The following SLC6A13 variants were observed in gnomAD, a reference collection of about 807,000 sequenced individuals.
SLC6A13 encodes sodium- and chloride-dependent GABA transporter 2.
SLC6A13 carries 69 observed loss-of-function variants against 72.9 expected under a neutral mutation model. The ratio of observed to expected loss-of-function variants is 0.95; its 90% CI spans 0.78 to 1.16. The LOEUF (loss-of-function observed/expected upper bound fraction) is 1.16. SLC6A13 is among the 50% of genes most tolerant of loss of function. The probability of loss-of-function intolerance (pLI) is 0.00; values close to 1 mark genes in which losing one functional copy is unlikely to be tolerated. For missense variants in SLC6A13, 735 were observed against 760.5 expected (o/e 0.97, Z 0.39); for synonymous variants, 303 against 303.0 (o/e 1.00, Z 0.00).
In SLC6A13 at chr12:254,443, T is replaced by G. The variant is rs539608346; in HGVS notation, c.202+5408A>C. Among the ~76,000 whole-genome samples the G allele has an allele frequency of 2.0e-5, 3 of 152,328 alleles. No homozygotes were observed. The highest frequency in any genetic ancestry group is 1.3e-4 in the Admixed American group (2 of 15,302). ...CAGCCCTCCACTGTAACCGCTCTTA[T>G]CATCAATGACTTCCCAGCTGCTAAA... On this transcript the variant is annotated intron_variant, in intron 2 of 14. Coordinates refer to ENST00000343164, the MANE Select transcript of SLC6A13 (RefSeq NM_016615.5). The surrounding 1 kb of genome is among the most constrained non-coding windows in gnomAD (Gnocchi z 4.4).
At chr12:260,516 G>A (rs1426240573) in intron 1 of SLC6A13, among the ~76,000 whole-genome samples, 1 of 152,200 alleles carries the variant, frequency 6.6e-6, no homozygotes, top group Non-Finnish European at 1.5e-5. Flanking sequence ...TTTATGCTAA[G>A]GAAATAATTG....
Position 243,791 on chromosome 12 carries a change from G to T in SLC6A13, c.225C>A (p.Leu75=). ...GAATGCCACAGGTAAAGAGGAAGAC[G>T]AGGTAGGGGATGAAGAAGGCACCTG... ...NGGGAFFIPY[L]VFLFTCGIPV... The change falls in exon 3 of 15, where the codon CTC becomes CTA. Residue 75 remains leucine, a synonymous_variant. Coordinates refer to ENST00000343164, the MANE Select transcript of SLC6A13 (RefSeq NM_016615.5). The T allele has an allele frequency of 3.7e-6, 6 of 1,614,152 alleles. No individual in the cohort carries two copies. The highest frequency in any genetic ancestry group is 5.1e-6 in the Non-Finnish European group (6 of 1,179,996).
chr12:236,460 C>T (rs1377637377), intron 6 of SLC6A13, among the ~76,000 whole-genome samples: 8 of 152,216 alleles, frequency 5.3e-5, no homozygotes, highest in Admixed American at 2.6e-4. Flanking sequence ...GCGGGTTCCC[C>T]GGATATAGTT....
chr12:242,859 G>A (rs1942217140), intron 3 of SLC6A13, 105 bp from the exon 4 acceptor site: 1 of 1,018,066 alleles, frequency 9.8e-7, no homozygotes, highest in East Asian at 2.8e-5. Flanking sequence ...GTCTGAGGCT[G>A]GGAGTTCAAT....
intron 6 of SLC6A13, among the ~76,000 whole-genome samples, chr12:235,572 C>T (rs759136091): frequency 1.3e-5 from 2 of 152,084 alleles, no homozygotes; most frequent in African/African-American, 4.8e-5. Context: ...TCAAGACCAC[C>T]GTGATAATTG....
Position 222,556 on chromosome 12 carries a change from G to C in SLC6A13, c.1491C>G (p.Leu497=). 1 of 1,608,906 alleles carries C rather than the reference G, an allele frequency of 6.2e-7. No homozygotes were observed. The highest frequency in any genetic ancestry group is 1.1e-5 in the South Asian group (1 of 90,090). The stretch of plus-strand genomic sequence containing the variant: ...CTGTGCACACAGCTGGTGTGAGGAA[G>C]AGCCAACAGTATTTGATAAGAGGCC... ...RPWPLIKYCW[L]FLTPAVCTAT... The change falls in exon 13 of 15, where the codon CTC becomes CTG. Residue 497 remains leucine (L), a synonymous_variant. Coordinates refer to ENST00000343164, the MANE Select transcript of SLC6A13 (RefSeq NM_016615.5).
At chr12:242,872 A>C in intron 3 of SLC6A13, 118 bp from the exon 4 acceptor site, 1 of 789,212 alleles carries the variant, frequency 1.3e-6, no homozygotes, top group Non-Finnish European at 1.9e-6. Context: ...AGTTCAATTT[A>C]CCATTGAGGG....
chr12:221,795 G>A (rs1363004521), intron 13 of SLC6A13, among the ~76,000 whole-genome samples: 2 of 152,240 alleles, frequency 1.3e-5, no homozygotes, highest in Non-Finnish European at 2.9e-5. Flanking sequence ...CTCCCAGGTA[G>A]GATGTGATCA....
chr12:224,496 T>C lies in SLC6A13; in HGVS notation c.1078A>G (p.Ile360Val), dbSNP rs778954945. ...VAESGPGLAF[I>V]AYPRAVVMLP... The stretch of plus-strand genomic sequence containing the variant: ...ATCACCACAGCCCGCGGGTAAGCGA[T>C]GAAAGCCAGGCCAGGGCCTACGACA... Residue 360 changes from isoleucine (I) to valine (V), a missense_variant, in exon 10 of 15, where the codon ATC becomes GTC. Coordinates refer to ENST00000343164, the MANE Select transcript of SLC6A13 (RefSeq NM_016615.5). 3.1e-6 allele frequency: 5 copies of C among 1,614,012 alleles called. No homozygotes were observed. The highest frequency in any genetic ancestry group is 4.2e-6 in the Non-Finnish European group (5 of 1,180,000).
intron 8 of SLC6A13, 141 bp from the exon 9 acceptor site, chr12:226,655 G>T: frequency 1.8e-6 from 2 of 1,081,838 alleles, no homozygotes; most frequent in African/African-American, 1.6e-5. Context: ...AGGGCTACCT[G>T]GCAGAATTCA....
chr12:238,780 G>A (rs569891980), intron 4 of SLC6A13, among the ~76,000 whole-genome samples: 20 of 152,118 alleles, frequency 1.3e-4, no homozygotes, highest in Middle Eastern at 3.2e-3. Flanking sequence ...TCAGCAAATT[G>A]TCTGGGTTCC....
chr12:238,665 T>A (rs1942034031), intron 4 of SLC6A13, among the ~76,000 whole-genome samples: 1 of 152,214 alleles, frequency 6.6e-6, no homozygotes, highest in Admixed American at 6.5e-5. Context: ...CTGGGAAATA[T>A]TAAGACAGAT....
intron 2 of SLC6A13, among the ~76,000 whole-genome samples, chr12:250,829 CCCCCAA>C (rs1479117477): frequency 1.7e-4 from 1 of 6,014 alleles, no homozygotes; most frequent in Non-Finnish European, 1.1e-3. Flanking sequence ...CCAAAATAGC[CCCCCAA>C]AAAAAAAAAA....
At chr12:233,995 T>C (rs1565495071) in intron 7 of SLC6A13, among the ~76,000 whole-genome samples, 2 of 152,054 alleles carry the variant, frequency 1.3e-5, no homozygotes, top group African/African-American at 4.8e-5. Flanking sequence ...CCTCACAAGA[T>C]ACCAGTCATA....
chr12:223,018 G>T lies in SLC6A13; in HGVS notation c.1414+114C>A, dbSNP rs937357981. ...TTGCAAGATTTTGGAGGTTGGGTAG[G>T]GAGGCGCCCCAGGAAAAGTTAAGTG... On this transcript the variant is annotated intron_variant, in intron 12 of 14. Coordinates refer to ENST00000343164, the MANE Select transcript of SLC6A13 (RefSeq NM_016615.5). 3 of 663,810 alleles carry T rather than the reference G, an allele frequency of 4.5e-6. No individual in the cohort carries two copies. The Admixed American group carries it at 8.6e-5, about 19-fold the overall frequency. The allele number at this position is 663,810 out of a possible 1,614,324, so 41.1% of individuals were successfully genotyped here. A position where few individuals can be genotyped will look rare whatever the true frequency, so the allele number is the denominator to read the frequency against.
intron 2 of SLC6A13, among the ~76,000 whole-genome samples, chr12:251,218 T>G (rs998026279): frequency 4.0e-5 from 6 of 151,034 alleles, no homozygotes; most frequent in African/African-American, 1.5e-4. Flanking sequence ...TTCCACCTGG[T>G]ATTTATATTA....
At chr12:227,473 T>C in intron 8 of SLC6A13, 92 bp downstream of exon 8, 1 of 1,574,670 alleles carries the variant, frequency 6.4e-7, no homozygotes, top group South Asian at 1.2e-5. Flanking sequence ...ATCCAGGAGC[T>C]GATGCACCCT....
rs150301423 is a variant in SLC6A13, at chr12:232,745, T to C, written c.831+2345A>G. ...AAGCTCCTATCCCACCAGAAGGTTA[T>C]TGAGAAACACTCAGGACCAGGGCTA... On this transcript the variant is annotated intron_variant, in intron 7 of 14. Transcript: ENST00000343164. Among the ~76,000 whole-genome samples, 244 of 152,322 alleles carry C rather than the reference T, an allele frequency of 1.6e-3. 1 individual carries two copies. Among genetic ancestry groups the C allele is most frequent in the African/African-American group, 5.7e-3 (238 of 41,572 alleles).
chr12:256,951 A>G (rs1005654792), intron 2 of SLC6A13, among the ~76,000 whole-genome samples: 1 of 152,136 alleles, frequency 6.6e-6, no homozygotes, highest in African/African-American at 2.4e-5. Context: ...TGGTGAGTTC[A>G]AATAAAAGCA....
Sources: gnomAD v4.1 joint callset for allele counts (sites outside exome capture counted in the v4.1 genomes callset) on GRCh38, gnomAD v4.1.1 for gene constraint, Gnocchi (gnomAD v3.1) non-coding constraint, MANE v1.5 for transcripts, NCBI Gene and HGNC (gene_info 2026-07-23, HGNC 2026-07-21) for gene names.